RPTOR: variants seen among roughly 807,000 people sequenced by gnomAD.
RPTOR encodes the protein regulatory-associated protein of mTOR.
Under a neutral mutation model 169.9 loss-of-function variants are expected in RPTOR, and 21 were observed. The ratio of observed to expected loss-of-function variants is 0.12; its 90% CI spans 0.09 to 0.18. RPTOR has a LOEUF of 0.18. Ranked by LOEUF, RPTOR falls within the 10% of genes least tolerant of loss-of-function variation. RPTOR has a pLI of 1.00. For missense variants in RPTOR, 1,133 were observed against 1,855.9 expected (o/e 0.61, Z 7.16); for synonymous variants, 732 against 753.2 (o/e 0.97, Z 0.46).
Position 80,562,742 on chromosome 17 carries a change from C to T in RPTOR, c.162+16951C>T, listed in dbSNP as rs7210225. ...GAGGTTGCAGTGAGCTGAGACTGCG[C>T]CACTGCACCCCATCCTGGCAACAGA... is the stretch of plus-strand genomic sequence containing the variant. On this transcript the variant is annotated intron_variant, in intron 1 of 33. Transcript: ENST00000306801. This position sits in a 1 kb window ranked among gnomAD's most constrained non-coding sequence, Gnocchi z 4.4. Among the ~76,000 whole-genome samples, 58,904 of 108,912 alleles carry T rather than the reference C, an allele frequency of 0.54. 11,570 individuals carry two copies. The highest frequency in any genetic ancestry group is 0.59 in the Middle Eastern group (140 of 238). The allele number at this position is 108,912 out of a possible 152,430, so 71.5% of individuals were successfully genotyped here.
Position 80,646,959 on chromosome 17 carries a change from C to T in RPTOR, c.348+3149C>T, listed in dbSNP as rs2065600849. ...AACCCCGGAACCCCCGTCGGCTGCACCAGAATGGTGTCTGGAAGCCTCTGA... is the reference window on the plus strand; with the variant it reads ...AACCCCGGAACCCCCGTCGGCTGCATCAGAATGGTGTCTGGAAGCCTCTGA... On this transcript the variant is annotated intron_variant, in intron 3 of 33. Coordinates refer to ENST00000306801, the MANE Select transcript of RPTOR (RefSeq NM_020761.3). This position sits in a 1 kb window ranked among gnomAD's most constrained non-coding sequence, Gnocchi z 5.0. Among the ~76,000 whole-genome samples, 1 of 152,170 alleles carries T rather than the reference C, an allele frequency of 6.6e-6. No individual in the cohort carries two copies. Among genetic ancestry groups the T allele is most frequent in the African/African-American group, 2.4e-5 (1 of 41,424 alleles).
chr17:80,787,038 C>T (rs755813607), intron 6 of RPTOR, among the ~76,000 whole-genome samples: 4 of 152,210 alleles, frequency 2.6e-5, no homozygotes, highest in South Asian at 2.1e-4. Context: ...GCGCCCACCA[C>T]GCAGGGCGCC....
chr17:80,617,858 C>T (rs1052519863), intron 1 of RPTOR, among the ~76,000 whole-genome samples: 19 of 152,196 alleles, frequency 1.2e-4, no homozygotes, highest in Admixed American at 1.0e-3. Flanking sequence ...TAGAGACCCC[C>T]AGGCATAGTC....
At chr17:80,729,029 A>C (rs1463329305) in intron 4 of RPTOR, among the ~76,000 whole-genome samples, 2 of 152,164 alleles carry the variant, frequency 1.3e-5, no homozygotes, top group African/African-American at 2.4e-5. Flanking sequence ...CACACCCCCC[A>C]CACATCTGCG....
In RPTOR at chr17:80,800,019, A is replaced by C. The variant is rs538727265; in HGVS notation, c.890+8510A>C. 2.0e-5 allele frequency among the ~76,000 whole-genome samples: 3 copies of C among 152,286 alleles called. 1 individual carries two copies. The highest frequency in any genetic ancestry group is 4.1e-4 in the South Asian group (2 of 4,824). On this transcript the variant is annotated intron_variant, in intron 7 of 33. Transcript: ENST00000306801. ...CAGGTCTGCCAGGCCAGAGCTCTCTAGGGGTCCGTGTTGGGTAAGTGCACG... is the reference window on the plus strand; with the variant it reads ...CAGGTCTGCCAGGCCAGAGCTCTCTCGGGGTCCGTGTTGGGTAAGTGCACG...
chr17:80,886,787 G>A (rs1234911431), intron 17 of RPTOR, among the ~76,000 whole-genome samples: 4 of 152,156 alleles, frequency 2.6e-5, no homozygotes, highest in Non-Finnish European at 5.9e-5. Flanking sequence ...CGTGGGGTTC[G>A]GAGGAGGTGC....
intron 6 of RPTOR, among the ~76,000 whole-genome samples, chr17:80,765,823 A>C (rs2066781166): frequency 6.6e-6 from 1 of 152,174 alleles, no homozygotes; most frequent in African/African-American, 2.4e-5. Context: ...CGACTTACTT[A>C]ACGTGGTAAA....
intron 5 of RPTOR, among the ~76,000 whole-genome samples, chr17:80,733,777 T>G (rs1321799358): frequency 1.3e-5 from 2 of 152,268 alleles, no homozygotes; most frequent in Non-Finnish European, 2.9e-5. Flanking sequence ...TTGAAGAGGC[T>G]GCGTCACTCA....
rs12951591 is a variant in RPTOR, at chr17:80,876,693, A to G, written c.1510-3722A>G. Among the ~76,000 whole-genome samples the G allele has an allele frequency of 2.6e-3, 244 of 94,542 alleles. 6 individuals are homozygous for G. The highest frequency in any genetic ancestry group is 3.3e-3 in the Non-Finnish European group (158 of 47,950). The allele number at this position is 94,542 out of a possible 152,430, so 62.0% of individuals were successfully genotyped here. On this transcript the variant is annotated intron_variant, in intron 13 of 33. Transcript: ENST00000306801. ...TGTGTCGCCTGCCGGGTCTTCCACCAAGCCCCTCCACCCAGGATGTGTGTG... is the reference window on the plus strand; with the variant it reads ...TGTGTCGCCTGCCGGGTCTTCCACCGAGCCCCTCCACCCAGGATGTGTGTG...
intron 3 of RPTOR, among the ~76,000 whole-genome samples, chr17:80,672,362 G>C (rs937388454): frequency 3.2e-5 from 4 of 123,812 alleles, no homozygotes; most frequent in South Asian, 4.9e-4. Flanking sequence ...GCTGTGCAAA[G>C]GTTCTTTTTT....
chr17:80,936,343 A>G lies in RPTOR; in HGVS notation c.2920-4153A>G, dbSNP rs887432561. Among the ~76,000 whole-genome samples, 10 of 152,026 alleles carry G rather than the reference A, an allele frequency of 6.6e-5. No homozygotes were observed. The highest frequency in any genetic ancestry group is 2.4e-4 in the African/African-American group (10 of 41,348). Reference sequence around the variant, plus strand: ...GCCTACCATGCAACCTAACCATTCTACTCCTGGATATTCACCAAGAGAAGT... The same window carrying G: ...GCCTACCATGCAACCTAACCATTCTGCTCCTGGATATTCACCAAGAGAAGT... On this transcript the variant is annotated intron_variant, in intron 24 of 33. Coordinates refer to ENST00000306801, the MANE Select transcript of RPTOR (RefSeq NM_020761.3). The surrounding 1 kb of genome is among the most constrained non-coding windows in gnomAD (Gnocchi z 4.1).
At position 80,849,823 on chromosome 17, in the gene RPTOR, C is replaced by G. The variant is rs114564660; in HGVS notation, c.1314+3249C>G. 7.2e-3 allele frequency among the ~76,000 whole-genome samples: 1,095 copies of G among 152,318 alleles called. 12 individuals carry two copies. Among genetic ancestry groups the G allele is most frequent in the African/African-American group, 0.025 (1,033 of 41,552 alleles). ...GTGAACGACCGCACCCAGCCCTGAA[C>G]ACCGTCTTCTCACGAGGAGCTCTGG... On this transcript the variant is annotated intron_variant, in intron 11 of 33. Transcript: ENST00000306801.
At chr17:80,788,757 C>T (rs750084109) in intron 6 of RPTOR, among the ~76,000 whole-genome samples, 3 of 152,130 alleles carry the variant, frequency 2.0e-5, no homozygotes, top group South Asian at 2.1e-4. Context: ...GAACAATGGT[C>T]GCCAAATAAT....
chr17:80,627,549 G>A (rs1165931334), intron 2 of RPTOR, among the ~76,000 whole-genome samples: 2 of 152,144 alleles, frequency 1.3e-5, no homozygotes, highest in African/African-American at 2.4e-5. Flanking sequence ...TTTAAGTGGC[G>A]ACATATAGTT....
At chr17:80,550,342 G>A (rs1017642005) in intron 1 of RPTOR, among the ~76,000 whole-genome samples, 1 of 152,184 alleles carries the variant, frequency 6.6e-6, no homozygotes, top group Non-Finnish European at 1.5e-5. Context: ...ACGAAACTCG[G>A]ATTTTCCTCT....
At chr17:80,874,135 A>G (rs562296931) in intron 13 of RPTOR, among the ~76,000 whole-genome samples, 17 of 152,158 alleles carry the variant, frequency 1.1e-4, no homozygotes, top group Non-Finnish European at 1.5e-4. Flanking sequence ...TGATTTTGCT[A>G]TGGACATCAG....
chr17:80,897,701 G>A (rs1032258455), intron 20 of RPTOR, among the ~76,000 whole-genome samples: 1 of 152,162 alleles, frequency 6.6e-6, no homozygotes, highest in Non-Finnish European at 1.5e-5. Flanking sequence ...TCCTGACCTG[G>A]CTGGTTTAGA....
At chr17:80,948,136 G>C (rs890722380) in intron 27 of RPTOR, among the ~76,000 whole-genome samples, 3 of 152,242 alleles carry the variant, frequency 2.0e-5, no homozygotes, top group African/African-American at 7.2e-5. Flanking sequence ...CAGCACGGCT[G>C]AGAGAAGTGA....
intron 24 of RPTOR, among the ~76,000 whole-genome samples, chr17:80,928,196 G>T (rs2068835343): frequency 6.6e-6 from 1 of 152,054 alleles, no homozygotes. Flanking sequence ...TAACATTAGA[G>T]ACCTTTTCCA....
Sources: allele counts gnomAD v4.1 joint callset (sites outside exome capture counted in the v4.1 genomes callset), GRCh38; gene constraint gnomAD v4.1.1; non-coding constraint Gnocchi (gnomAD v3.1); transcripts MANE v1.5; gene names NCBI Gene and HGNC (gene_info 2026-07-23, HGNC 2026-07-21).